The following SRGAP1 variants were observed in gnomAD, a reference collection of about 807,000 sequenced individuals.
The protein encoded by SRGAP1 is SLIT-ROBO Rho GTPase-activating protein 1.
Under a neutral mutation model 121.9 loss-of-function variants are expected in SRGAP1, and 43 were observed. The observed-to-expected ratio is 0.35, with a 90% CI of 0.28 to 0.46. The LOEUF (loss-of-function observed/expected upper bound fraction) is 0.46, where lower values mean the gene tolerates loss of function less well. SRGAP1 is among the 20% of genes least tolerant of loss of function. SRGAP1 has a pLI of 1.00. For synonymous variants in SRGAP1, 447 were observed against 485.4 expected (o/e 0.92, Z 1.04); for missense variants, 1,102 against 1,350.9 (o/e 0.82, Z 2.89).
intron 8 of SRGAP1, among the ~76,000 whole-genome samples, chr12:64,073,158 C>T (rs1249401136): frequency 6.6e-6 from 1 of 152,026 alleles, no homozygotes; most frequent in Non-Finnish European, 1.5e-5. Flanking sequence ...CTGTCTGTTG[C>T]GAGCATCCCA....
intron 6 of SRGAP1, among the ~76,000 whole-genome samples, chr12:64,058,552 C>G (rs148006998): frequency 2.0e-4 from 30 of 152,142 alleles, no homozygotes; most frequent in Non-Finnish European, 1.5e-5. Flanking sequence ...GCCTTTTCTT[C>G]TCCAATTTTA....
chr12:63,915,198 A>G (rs2030720348), intron 1 of SRGAP1, among the ~76,000 whole-genome samples: 1 of 152,206 alleles, frequency 6.6e-6, no homozygotes, highest in Non-Finnish European at 1.5e-5. Context: ...TTCCATGCTA[A>G]GGGCTTGTTA....
intron 1 of SRGAP1, among the ~76,000 whole-genome samples, chr12:63,937,805 A>G (rs1024912991): frequency 2.6e-5 from 4 of 152,244 alleles, no homozygotes; most frequent in Non-Finnish European, 1.5e-5. Context: ...ATGCAAAGCC[A>G]CAGCGCTTTC....
Position 64,042,639 on chromosome 12 carries a change from C to G in SRGAP1, c.490-151C>G, listed in dbSNP as rs1593071053. ...GTGTGCTTTATGTAGAAGCAGTAGT[C>G]CATAATTCACTTACTTTACTGACAA... On this transcript the variant is annotated intron_variant, in intron 4 of 21. Transcript: ENST00000355086. 4 of 553,400 alleles carry G rather than the reference C, an allele frequency of 7.2e-6. No individual in the cohort carries two copies. In the East Asian group the frequency reaches 1.1e-4, roughly 16 times the overall value. The allele number at this position is 553,400 out of a possible 1,614,324, so 34.3% of individuals were successfully genotyped here.
At chr12:63,994,268 G>T (rs957498795) in intron 3 of SRGAP1, among the ~76,000 whole-genome samples, 2 of 152,078 alleles carry the variant, frequency 1.3e-5, no homozygotes, top group Non-Finnish European at 2.9e-5. Flanking sequence ...ATTATGTAAT[G>T]TGAGATTATA....
chr12:63,888,505 T>C (rs1592918269), intron 1 of SRGAP1: 2 of 152,190 alleles, frequency 1.3e-5, no homozygotes, highest in East Asian at 1.9e-4. Flanking sequence ...TGGTTGGACA[T>C]GTTCAAGGAT....
chr12:64,008,819 A>T (rs2034164430), intron 3 of SRGAP1, among the ~76,000 whole-genome samples: 1 of 152,128 alleles, frequency 6.6e-6, no homozygotes, highest in Non-Finnish European at 1.5e-5. Context: ...ATAAATGAGC[A>T]AATTTCCTGC....
At position 64,002,344 on chromosome 12, in the gene SRGAP1, T is replaced by A. The variant is rs953506776; in HGVS notation, c.426+12272T>A. Among the ~76,000 whole-genome samples, 20 of 152,334 alleles carry A rather than the reference T, an allele frequency of 1.3e-4. 1 individual carries two copies. In the South Asian group the frequency reaches 1.9e-3, roughly 14 times the overall value. ...TCCTCCCTGATCAGAGGAGCTGTGA[T>A]CCAAGAGGGTGGGGCAACAACCTGT... On this transcript the variant is annotated intron_variant, in intron 3 of 21. Coordinates refer to ENST00000355086, the MANE Select transcript of SRGAP1 (RefSeq NM_020762.4).
At chr12:63,941,525 T>C (rs1565960422) in intron 1 of SRGAP1, among the ~76,000 whole-genome samples, 1 of 152,190 alleles carries the variant, frequency 6.6e-6, no homozygotes, top group African/African-American at 2.4e-5. Context: ...TTCTCTAAAA[T>C]TGTAACTGGG....
At chr12:63,892,738 A>G (rs891395779) in intron 1 of SRGAP1, among the ~76,000 whole-genome samples, 2 of 152,222 alleles carry the variant, frequency 1.3e-5, no homozygotes, top group African/African-American at 4.8e-5. Context: ...CTAAGCCAGC[A>G]TTATGAGAAA....
At chr12:64,015,249 C>T (rs1448999316) in intron 3 of SRGAP1, among the ~76,000 whole-genome samples, 1 of 152,086 alleles carries the variant, frequency 6.6e-6, no homozygotes, top group Non-Finnish European at 1.5e-5. Flanking sequence ...AAAATAACAC[C>T]AAACTGAAGT....
Position 64,154,175 on chromosome 12 carries a change from C to T in SRGAP1, c.*11503C>T, listed in dbSNP as rs756526828. On this transcript the variant is annotated 3_prime_UTR_variant, in exon 22 of 22. Transcript: ENST00000355086. ...AATGGAAATTGTTGTTCAGTGTTTA[C>T]AGGGTTTCAGTTTTGCAAGATAAAA... is the stretch of plus-strand genomic sequence containing the variant. 2 of 152,134 alleles carry T rather than the reference C, an allele frequency of 1.3e-5. No homozygotes were observed. Among genetic ancestry groups the T allele is most frequent in the Non-Finnish European group, 2.9e-5 (2 of 68,024 alleles). 9.4% of individuals were successfully genotyped at this position (152,134 alleles called of 1,614,324 possible). A position where few individuals can be genotyped will look rare whatever the true frequency, so the allele number is the denominator to read the frequency against.
chr12:63,945,268 T>G (rs10437967), intron 1 of SRGAP1, among the ~76,000 whole-genome samples: 87,363 of 145,840 alleles, frequency 0.6, 25,357 homozygotes, highest in Non-Finnish European at 0.64. Context: ...TTTCTGTTTG[T>G]TTTTTTTTTT....
At chr12:63,989,113 A>T (rs936576843) in intron 2 of SRGAP1, among the ~76,000 whole-genome samples, 1 of 152,218 alleles carries the variant, frequency 6.6e-6, no homozygotes, top group Non-Finnish European at 1.5e-5. Flanking sequence ...CCCAGCTGCA[A>T]AAATTTTTTA....
intron 3 of SRGAP1, among the ~76,000 whole-genome samples, chr12:63,997,873 G>C (rs774406386): frequency 6.6e-6 from 1 of 152,134 alleles, no homozygotes; most frequent in Non-Finnish European, 1.5e-5. Flanking sequence ...TATGACGGCA[G>C]ATTCTACATG....
intron 21 of SRGAP1, among the ~76,000 whole-genome samples, chr12:64,139,821 C>T (rs2036928185): frequency 6.6e-6 from 1 of 152,124 alleles, no homozygotes; most frequent in Admixed American, 6.6e-5. Flanking sequence ...TTGCCCATGC[C>T]TATGTCCTGA....
chr12:63,997,124 C>A (rs2033735037), intron 3 of SRGAP1, among the ~76,000 whole-genome samples: 1 of 151,758 alleles, frequency 6.6e-6, no homozygotes, highest in African/African-American at 2.4e-5. Flanking sequence ...AACTGTAACA[C>A]AATGGTAAGT....
intron 1 of SRGAP1, among the ~76,000 whole-genome samples, chr12:63,856,252 CTAAATAAATAAATAAATAAA>C (rs79879818): frequency 0.025 from 3,713 of 146,382 alleles, 82 homozygotes; most frequent in African/African-American, 0.053. Context: ...AACTCCGTCT[CTAAATAAATAAATAAATAAA>C]TAAATAAATA....
In SRGAP1 at chr12:63,895,437, C is replaced by A. The variant is rs112748182; in HGVS notation, c.67+50554C>A. On this transcript the variant is annotated intron_variant, in intron 1 of 21. Transcript: ENST00000355086. ...TTTAAAAATAATTAAAAATTTAGTT[C>A]TCTGGCCACACAACCAAATTTGGAA... 9.9e-3 allele frequency among the ~76,000 whole-genome samples: 1,512 copies of A among 152,296 alleles called. 33 individuals are homozygous for A. The highest frequency in any genetic ancestry group is 0.034 in the African/African-American group (1,422 of 41,548).
Sources: allele counts gnomAD v4.1 joint callset (sites outside exome capture counted in the v4.1 genomes callset), GRCh38; gene constraint gnomAD v4.1.1; transcripts MANE v1.5; gene names NCBI Gene and HGNC (gene_info 2026-07-23, HGNC 2026-07-21).